Variants in TRMT9B observed in about 807,000 individuals in gnomAD.
TRMT9B encodes the protein probable tRNA methyltransferase 9B.
TRMT9B carries 16 observed loss-of-function variants against 11.5 expected under a neutral mutation model. The observed-to-expected ratio is 1.39, with a 90% CI of 0.94 to 2.11. The LOEUF is 2.11. TRMT9B is among the 30% of genes most tolerant of loss of function. The probability of loss-of-function intolerance (pLI) is 0.00; values close to 1 mark genes in which losing one functional copy is unlikely to be tolerated. For missense variants in TRMT9B, 941 were observed against 553.8 expected (o/e 1.70, Z -7.02); for synonymous variants, 274 against 192.4 (o/e 1.42, Z -3.51).
intron 1 of TRMT9B, among the ~76,000 whole-genome samples, chr8:12,946,534 G>C (rs888073843): frequency 1.3e-5 from 2 of 152,164 alleles, no homozygotes; most frequent in African/African-American, 2.4e-5. Context: ...GGAGGGCGAA[G>C]GACCTCAGGT....
chr8:12,978,010 C>G (rs369438294), intron 1 of TRMT9B, among the ~76,000 whole-genome samples: 1 of 152,140 alleles, frequency 6.6e-6, no homozygotes, highest in African/African-American at 2.4e-5. Flanking sequence ...GCCTGCATGA[C>G]AGAGCGAGAC....
intron 1 of TRMT9B, among the ~76,000 whole-genome samples, chr8:12,973,073 G>A (rs1260969879): frequency 6.6e-6 from 1 of 152,134 alleles, no homozygotes; most frequent in Non-Finnish European, 1.5e-5. Context: ...CACATGAGTG[G>A]AGTCATGCAG....
intron 1 of TRMT9B, among the ~76,000 whole-genome samples, chr8:12,963,199 C>T (rs1384254934): frequency 1.3e-5 from 2 of 152,084 alleles, no homozygotes; most frequent in African/African-American, 4.8e-5. Context: ...TTTGGGAGGC[C>T]AAGGTGGGCG....
chr8:13,014,467 AAGAAGAAGGGGAGAATG>A (rs1470370162), intron 4 of TRMT9B, among the ~76,000 whole-genome samples: 5 of 152,076 alleles, frequency 3.3e-5, no homozygotes, highest in Non-Finnish European at 7.4e-5. Context: ...AGGAGACTGG[AAGAAGAAGGGGAGAATG>A]AGAGAGATAG....
chr8:12,982,080 A>G (rs565153351), intron 1 of TRMT9B, among the ~76,000 whole-genome samples: 1 of 152,286 alleles, frequency 6.6e-6, no homozygotes, highest in Admixed American at 6.5e-5. Flanking sequence ...GTATCTATCT[A>G]TTATATCTAT....
chr8:12,950,471 G>C (rs193072872), intron 1 of TRMT9B, among the ~76,000 whole-genome samples: 47 of 151,978 alleles, frequency 3.1e-4, no homozygotes, highest in Admixed American at 7.9e-4. Flanking sequence ...ATGGAAGCAA[G>C]GATGAGCTGC....
At chr8:13,011,885 G>T (rs1052374148) in intron 3 of TRMT9B, 1 of 984,382 alleles carries the variant, frequency 1.0e-6, no homozygotes, top group Non-Finnish European at 1.2e-6. Context: ...TTAAAAATTT[G>T]AAAGGCATGT....
At chr8:12,976,365 T>C (rs970982360) in intron 1 of TRMT9B, among the ~76,000 whole-genome samples, 1 of 89,268 alleles carries the variant, frequency 1.1e-5, no homozygotes, top group African/African-American at 3.4e-5. Context: ...TGTTTATGCT[T>C]TACTTTTTTT....
intron 1 of TRMT9B, among the ~76,000 whole-genome samples, chr8:12,956,617 G>C (rs1345142601): frequency 1.3e-5 from 2 of 152,146 alleles, no homozygotes; most frequent in African/African-American, 2.4e-5. Context: ...CAATACAAAG[G>C]AAGAAAGTAA....
chr8:13,009,401 T>A (rs17123337), intron 3 of TRMT9B, among the ~76,000 whole-genome samples: 7,170 of 152,174 alleles, frequency 0.047, 216 homozygotes, highest in South Asian at 0.091. Flanking sequence ...GAACAAATGG[T>A]TCAAAATGTG....
intron 1 of TRMT9B, among the ~76,000 whole-genome samples, chr8:12,986,264 C>T (rs1454529142): frequency 1.3e-5 from 2 of 152,128 alleles, no homozygotes; most frequent in East Asian, 1.9e-4. Flanking sequence ...AAACCTACAC[C>T]TCCTGTCGCA....
chr8:13,014,223 G>T (rs1464606556), intron 4 of TRMT9B, among the ~76,000 whole-genome samples: 1 of 152,240 alleles, frequency 6.6e-6, no homozygotes, highest in Non-Finnish European at 1.5e-5. Flanking sequence ...CTCATTTGCA[G>T]TTGAAACTGT....
At chr8:13,010,969 T>A in intron 3 of TRMT9B, 1 of 901,112 alleles carries the variant, frequency 1.1e-6, no homozygotes, top group Non-Finnish European at 1.3e-6. Flanking sequence ...GTAGAAATAA[T>A]AATCCTGGAA....
Position 13,022,557 on chromosome 8 carries a change from A to G in TRMT9B, c.*513A>G, listed in dbSNP as rs1299384225. 1.2e-5 allele frequency: 2 copies of G among 167,142 alleles called. No individual in the cohort carries two copies. Among genetic ancestry groups the G allele is most frequent in the Non-Finnish European group, 2.9e-5 (2 of 68,160 alleles). 10.4% of individuals were successfully genotyped at this position (167,142 alleles called of 1,614,324 possible). ...ATCTTGTTGCCAAGGCCTTGCTTCT[A>G]CTTAAAGTTTTCAGAAAACTGAGTG... On this transcript the variant is annotated 3_prime_UTR_variant, in exon 5 of 5. Transcript: ENST00000524591.
rs201750958 is a variant in TRMT9B at position 13,021,372 on chromosome 8, G to C, written c.693G>C (p.Lys231Asn). The C allele has an allele frequency of 2.9e-4, 472 of 1,614,050 alleles. 3 individuals are homozygous for C. The highest frequency in any genetic ancestry group is 5.9e-5 in the Non-Finnish European group (70 of 1,179,906). Residue 231 changes from lysine (K) to asparagine (N), a missense_variant, in exon 5 of 5, where the codon AAG (lysine) becomes AAC (asparagine). Transcript: ENST00000524591. ...MARTCFANIS[K>N]EGEEEYGFYS... Reference sequence around the variant, plus strand: ...GAACCTGTTTTGCAAATATTTCTAAGGAAGGCGAGGAAGAATATGGATTTT... The same window carrying C: ...GAACCTGTTTTGCAAATATTTCTAACGAAGGCGAGGAAGAATATGGATTTT...
At chr8:12,950,841 C>A (rs1800550812) in intron 1 of TRMT9B, among the ~76,000 whole-genome samples, 1 of 152,134 alleles carries the variant, frequency 6.6e-6, no homozygotes, top group Non-Finnish European at 1.5e-5. Context: ...GTTGGGTCCC[C>A]ATAAATAACC....
chr8:12,949,846 T>C (rs1800458024), intron 1 of TRMT9B, among the ~76,000 whole-genome samples: 1 of 152,032 alleles, frequency 6.6e-6, no homozygotes, highest in South Asian at 2.1e-4. Flanking sequence ...CACTCCCTAG[T>C]TAATTCTATT....
intron 1 of TRMT9B, among the ~76,000 whole-genome samples, chr8:12,961,484 G>A (rs1037351281): frequency 1.4e-4 from 22 of 151,932 alleles, no homozygotes; most frequent in African/African-American, 5.1e-4. Flanking sequence ...GGCGGATCAC[G>A]AGGTCAGGAG....
At chr8:12,997,471 A>G (rs1384035309) in intron 2 of TRMT9B, among the ~76,000 whole-genome samples, 1 of 152,148 alleles carries the variant, frequency 6.6e-6, no homozygotes, top group Non-Finnish European at 1.5e-5. Context: ...TGAACCAAAC[A>G]AACTGCTTGT....
Sources: allele counts gnomAD v4.1 joint callset (sites outside exome capture counted in the v4.1 genomes callset), GRCh38; gene constraint gnomAD v4.1.1; transcripts MANE v1.5; gene names NCBI Gene and HGNC (gene_info 2026-07-23, HGNC 2026-07-21).